The following COL11A1 variants were observed in gnomAD, a reference collection of about 807,000 sequenced individuals.
COL11A1 encodes collagen type XI alpha 1 chain.
A neutral mutation model predicts 265.2 loss-of-function variants in COL11A1; 74 were observed. The observed-to-expected ratio is 0.28, with a 90% CI of 0.23 to 0.34. COL11A1 has a LOEUF of 0.34. Among genes scored for constraint, COL11A1 ranks in the 10% least tolerant of loss-of-function variants. The pLI, the probability that COL11A1 is intolerant of heterozygous loss-of-function variation, is 1.00. For missense variants in COL11A1, 2,165 were observed against 2,263.6 expected, an observed-to-expected ratio of 0.96 and a Z score of 0.88; for synonymous variants, 816 against 727.6, an observed-to-expected ratio of 1.12 and a Z score of -1.96.
At chr1:103,029,093 T>A (rs1667783200) in intron 5 of COL11A1, among the ~76,000 whole-genome samples, 1 of 152,088 alleles carries the variant, frequency 6.6e-6, no homozygotes, top group African/African-American at 2.4e-5. Flanking sequence ...ATGTCAAGCA[T>A]ATAACAATGT....
At chr1:102,991,795 T>C (rs901146036) in intron 28 of COL11A1, among the ~76,000 whole-genome samples, 6 of 151,844 alleles carry the variant, frequency 4.0e-5, no homozygotes, top group Admixed American at 2.0e-4. Flanking sequence ...AGATTCAAAC[T>C]GTTATCTTGC....
rs573602553 is a variant in COL11A1 at position 102,962,136 on chromosome 1, T to C, written c.3114+40A>G. On this transcript the variant is annotated intron_variant, in intron 40 of 66. Coordinates refer to ENST00000370096, the MANE Select transcript of COL11A1 (RefSeq NM_001854.4). ...GAGAAAAAATGCTTCTAATAAACAA[T>C]TGGAATCACTTGCTTTATCTATATA... The C allele has an allele frequency of 1.0e-4, 154 of 1,494,436 alleles. 2 individuals are homozygous for C. In the South Asian group the frequency reaches 1.6e-3, roughly 16 times the overall value. 92.6% of individuals were successfully genotyped at this position (1,494,436 alleles called of 1,614,324 possible). A position where few individuals can be genotyped will look rare whatever the true frequency, so the allele number is the denominator to read the frequency against.
At chr1:102,927,067 A>C (rs561311287) in intron 46 of COL11A1, among the ~76,000 whole-genome samples, 33 of 152,290 alleles carry the variant, frequency 2.2e-4, no homozygotes, top group African/African-American at 7.7e-4. Context: ...TATTGTGTTC[A>C]TGATGCAATT....
chr1:103,056,184 G>A (rs1307916823), intron 4 of COL11A1, among the ~76,000 whole-genome samples: 1 of 152,078 alleles, frequency 6.6e-6, no homozygotes, highest in East Asian at 1.9e-4. Flanking sequence ...TTGGACATAG[G>A]AACTAGGGGA....
chr1:103,004,887 A>T (rs1275856679), intron 18 of COL11A1, among the ~76,000 whole-genome samples: 1 of 151,832 alleles, frequency 6.6e-6, no homozygotes, highest in Non-Finnish European at 1.5e-5. Context: ...ATTTTCTCTC[A>T]ATTTTCAATA....
Position 102,961,853 on chromosome 1 carries a change from T to C in COL11A1, c.3168+13A>G, listed in dbSNP as rs749007735. Reference sequence around the variant, plus strand: ...ACCATGATTGTCTGGCTATTTATTATCATCATACTTACAACTGGACCTGGT... The same window carrying C: ...ACCATGATTGTCTGGCTATTTATTACCATCATACTTACAACTGGACCTGGT... On this transcript the variant is annotated intron_variant, in intron 41 of 66. Transcript: ENST00000370096. 2 of 1,611,078 alleles carry C rather than the reference T, an allele frequency of 1.2e-6. No individual in the cohort carries two copies. The highest frequency in any genetic ancestry group is 2.2e-5 in the East Asian group (1 of 44,858).
intron 5 of COL11A1, among the ~76,000 whole-genome samples, chr1:103,027,513 T>A (rs965144410): frequency 6.7e-6 from 1 of 148,872 alleles, no homozygotes; most frequent in Non-Finnish European, 1.5e-5. Context: ...ATATAATATG[T>A]ATACTTAATA....
At position 103,081,572 on chromosome 1, in the gene COL11A1, T is replaced by C. The variant is rs1046924273; in HGVS notation, c.274+1233A>G. Among the ~76,000 whole-genome samples the C allele has an allele frequency of 7.9e-5, 12 of 152,034 alleles. 1 individual carries two copies. In the East Asian group the frequency reaches 1.7e-3, roughly 22 times the overall value. On this transcript the variant is annotated intron_variant, in intron 2 of 66. Transcript: ENST00000370096. ...ACAAAGTATTGCAAAACAGAAAATA[T>C]ATTGGAAGAATCAGTGAACAATCAA...
At chr1:102,956,742 A>G (rs1413312353) in intron 41 of COL11A1, among the ~76,000 whole-genome samples, 1 of 151,946 alleles carries the variant, frequency 6.6e-6, no homozygotes, top group Non-Finnish European at 1.5e-5. Context: ...TATCATAGGT[A>G]CTTTTGATAG....
chr1:103,011,347 TAAAC>T (rs1666109775), intron 14 of COL11A1, among the ~76,000 whole-genome samples: 1 of 152,244 alleles, frequency 6.6e-6, no homozygotes, highest in African/African-American at 2.4e-5. Flanking sequence ...AAATACATGA[TAAAC>T]ATTTAATAAT....
chr1:102,972,659 AG>A (rs1238945504), intron 36 of COL11A1, among the ~76,000 whole-genome samples: 1 of 152,168 alleles, frequency 6.6e-6, no homozygotes, highest in Non-Finnish European at 1.5e-5. Context: ...TAGGCTTCCC[AG>A]GCTTCCCCTT....
At chr1:103,006,525 C>CTTTTTT (rs1557935689) in intron 15 of COL11A1, among the ~76,000 whole-genome samples, 8 of 76,206 alleles carry the variant, frequency 1.0e-4, no homozygotes, top group Non-Finnish European at 1.5e-4. Context: ...TAAATGGCTC[C>CTTTTTT]ATTTTTTTTT....
chr1:102,973,020 T>A (rs1209845161), intron 36 of COL11A1, among the ~76,000 whole-genome samples: 1 of 152,098 alleles, frequency 6.6e-6, no homozygotes, highest in Non-Finnish European at 1.5e-5. Flanking sequence ...TTTCCTGCTA[T>A]GATGAAGGAG....
Position 102,916,679 on chromosome 1 carries a change from A to G in COL11A1, c.3763-995T>C, listed in dbSNP as rs1234545715. On this transcript the variant is annotated intron_variant, in intron 49 of 66. Transcript: ENST00000370096. The stretch of plus-strand genomic sequence containing the variant: ...ATAGTTTCTTACTGTGAGAATACAC[A>G]AATATTTTAAATTCTTAAATTACCC... 3.3e-5 allele frequency among the ~76,000 whole-genome samples: 5 copies of G among 152,168 alleles called. No homozygotes were observed. The East Asian group carries it at 5.8e-4, about 18-fold the overall frequency.
At chr1:102,946,643 C>T (rs901036275) in intron 42 of COL11A1, among the ~76,000 whole-genome samples, 2 of 151,754 alleles carry the variant, frequency 1.3e-5, no homozygotes. Context: ...ACAGGTATTA[C>T]GGTTTCATAA....
At chr1:103,091,317 A>T (rs1673303111) in intron 1 of COL11A1, among the ~76,000 whole-genome samples, 1 of 152,080 alleles carries the variant, frequency 6.6e-6, no homozygotes, top group Non-Finnish European at 1.5e-5. Context: ...AAAATTAAGC[A>T]CATTGACTTA....
chr1:102,899,027 T>A (rs1652824796), intron 54 of COL11A1, 33 bp from the exon 55 acceptor site: 2 of 1,304,180 alleles, frequency 1.5e-6, no homozygotes, highest in Admixed American at 2.0e-5. Context: ...AAAATATGTA[T>A]CACATATAAA....
rs550950122 is a variant in COL11A1 at position 103,033,237 on chromosome 1, G to C, written c.652-1993C>G. ...GCCGCAGTTTATCTATCAGTTTCTG[G>C]AAATTTGAGTTGTTTTTATTTATTA... On this transcript the variant is annotated intron_variant, in intron 4 of 66. Transcript: ENST00000370096. Among the ~76,000 whole-genome samples, 42 of 152,048 alleles carry C rather than the reference G, an allele frequency of 2.8e-4. 1 individual carries two copies. Among genetic ancestry groups the C allele is most frequent in the Admixed American group, 2.7e-3 (41 of 15,242 alleles).
At chr1:102,916,643 A>AT (rs1465462716) in intron 49 of COL11A1, among the ~76,000 whole-genome samples, 3 of 152,038 alleles carry the variant, frequency 2.0e-5, no homozygotes, top group Non-Finnish European at 2.9e-5. Flanking sequence ...GGCAGAGACT[A>AT]TTTTGTGTAC....
Sources: allele counts gnomAD v4.1 joint callset (sites outside exome capture counted in the v4.1 genomes callset), GRCh38; gene constraint gnomAD v4.1.1; transcripts MANE v1.5; gene names NCBI Gene and HGNC (gene_info 2026-07-23, HGNC 2026-07-21).